Variants in LUZP1 observed in about 807,000 individuals in gnomAD.
LUZP1 encodes leucine zipper protein 1, also known as filamin mechanobinding actin cross-linking protein.
A neutral mutation model predicts 71.3 loss-of-function variants in LUZP1; 25 were observed. The observed-to-expected ratio is 0.35, with a 90% CI of 0.26 to 0.49. The LOEUF is 0.49. LUZP1 is among the 20% of genes least tolerant of loss of function. The pLI, the probability that LUZP1 is intolerant of heterozygous loss-of-function variation, is 0.99. For synonymous variants in LUZP1, 481 were observed against 506.4 expected, an observed-to-expected ratio of 0.95 and a Z score of 0.67; for missense variants, 1,142 against 1,300.8, an observed-to-expected ratio of 0.88 and a Z score of 1.88.
chr1:23,098,011 A>C (rs1301598214), intron 3 of LUZP1, among the ~76,000 whole-genome samples: 5 of 152,186 alleles, frequency 3.3e-5, no homozygotes, highest in Non-Finnish European at 7.3e-5. Context: ...CATGTGTATG[A>C]GATGTATATT....
intron 2 of LUZP1, among the ~76,000 whole-genome samples, chr1:23,146,156 G>A (rs1286001966): frequency 6.6e-6 from 1 of 151,884 alleles, no homozygotes; most frequent in Non-Finnish European, 1.5e-5. Flanking sequence ...TCAGCTTCTC[G>A]AGTAGCTGGG....
At chr1:23,163,688 C>T (rs999826456) in intron 2 of LUZP1, among the ~76,000 whole-genome samples, 1 of 152,070 alleles carries the variant, frequency 6.6e-6, no homozygotes, top group Non-Finnish European at 1.5e-5. Flanking sequence ...ACAGCAATGC[C>T]TAAAAAGGTT....
chr1:23,136,102 A>G (rs1454383297), intron 2 of LUZP1, among the ~76,000 whole-genome samples: 1 of 152,190 alleles, frequency 6.6e-6, no homozygotes, highest in African/African-American at 2.4e-5. Context: ...GTGTCACAGA[A>G]CACTAGATTA....
chr1:23,103,117 T>C (rs1202722335), intron 3 of LUZP1, among the ~76,000 whole-genome samples: 1 of 150,950 alleles, frequency 6.6e-6, no homozygotes, highest in Admixed American at 6.6e-5. Context: ...ATTTTTTTTT[T>C]TTGTAGAGAA....
In LUZP1 at chr1:23,093,053, C is replaced by G; in HGVS notation, c.1209G>C (p.Arg403=). 6.2e-7 allele frequency: 1 copy of G among 1,614,146 alleles called. No individual in the cohort carries two copies. The highest frequency in any genetic ancestry group is 8.5e-7 in the Non-Finnish European group (1 of 1,180,006). The change falls in exon 4 of 5, where the codon CGG becomes CGC. Residue 403 remains arginine, a synonymous_variant. Coordinates refer to ENST00000302291, the Ensembl canonical transcript of LUZP1. The surrounding 1 kb of genome is among the most constrained non-coding windows in gnomAD (Gnocchi z 4.2). The stretch of plus-strand genomic sequence containing the variant: ...CATTGTTGAGAGCAAACTCCCTGTT[C>G]CGGAGTCGTTCCCGCTTATGCTGAG...
chr1:23,152,019 A>G (rs1056579906), intron 2 of LUZP1, among the ~76,000 whole-genome samples: 1 of 151,400 alleles, frequency 6.6e-6, no homozygotes, highest in African/African-American at 2.4e-5. Flanking sequence ...AAAAAAAAAG[A>G]AAAGAAATGG....
intron 3 of LUZP1, among the ~76,000 whole-genome samples, chr1:23,103,901 AGGGGGGAAGGAGGGAGGGAG>A (rs766635820): frequency 5.7e-5 from 1 of 17,414 alleles, no homozygotes; most frequent in African/African-American, 3.1e-4. Flanking sequence ...AGAGGGAGGG[AGGGGGGAAGGAGGGAGGGAG>A]GGGGGGAAGG....
chr1:23,091,271 G>A (rs1441395371), exon 4 of LUZP1: 3 of 1,614,072 alleles, frequency 1.9e-6, no homozygotes, highest in South Asian at 1.1e-5. Flanking sequence ...CTGACACAGT[G>A]AGGCTACTTT....
At chr1:23,128,759 C>T (rs537550234) in intron 2 of LUZP1, among the ~76,000 whole-genome samples, 1 of 152,262 alleles carries the variant, frequency 6.6e-6, no homozygotes, top group African/African-American at 2.4e-5. Context: ...GGATTATAAC[C>T]CTGGCCTCAT....
intron 2 of LUZP1, among the ~76,000 whole-genome samples, chr1:23,113,259 T>A (rs1418531772): frequency 3.9e-5 from 6 of 151,954 alleles, no homozygotes; most frequent in Non-Finnish European, 5.9e-5. Flanking sequence ...TTTAAAAAAA[T>A]TAGCCAGGTG....
chr1:23,123,417 G>A (rs1331810897), intron 2 of LUZP1, among the ~76,000 whole-genome samples: 7 of 151,328 alleles, frequency 4.6e-5, no homozygotes, highest in African/African-American at 1.7e-4. Context: ...ACTTGAACCC[G>A]GGAGGCGGAG....
intron 2 of LUZP1, among the ~76,000 whole-genome samples, chr1:23,162,469 C>A (rs1384447952): frequency 6.7e-6 from 1 of 149,454 alleles, no homozygotes; most frequent in Non-Finnish European, 1.5e-5. Context: ...GACGGAGTCT[C>A]GCTCTGTTGC....
At chr1:23,152,722 G>C (rs182444216) in intron 2 of LUZP1, among the ~76,000 whole-genome samples, 1 of 152,108 alleles carries the variant, frequency 6.6e-6, no homozygotes, top group East Asian at 1.9e-4. Flanking sequence ...GTAGAGACAG[G>C]GTTTTGCCAC....
intron 2 of LUZP1, among the ~76,000 whole-genome samples, chr1:23,153,025 A>G (rs1644395969): frequency 6.6e-6 from 1 of 152,152 alleles, no homozygotes; most frequent in East Asian, 1.9e-4. Context: ...TTCCTTTCAG[A>G]TAATCTATAC....
intron 2 of LUZP1, among the ~76,000 whole-genome samples, chr1:23,120,728 A>C (rs554744121): frequency 6.6e-6 from 1 of 152,300 alleles, no homozygotes; most frequent in African/African-American, 2.4e-5. Context: ...AATCCTTAAT[A>C]ATGACCCCAT....
At chr1:23,142,700 T>TACACAC (rs60316911) in intron 2 of LUZP1, among the ~76,000 whole-genome samples, 314 of 104,342 alleles carry the variant, frequency 3.0e-3, no homozygotes, top group Non-Finnish European at 4.6e-3. Flanking sequence ...TATATATATA[T>TACACAC]ACACACACAC....
At position 23,177,289 on chromosome 1, in the gene LUZP1, C is replaced by CCCA. The variant is rs1644588267; in HGVS notation, c.-485+201_-485+202insTGG. Among the ~76,000 whole-genome samples the CCCA allele has an allele frequency of 2.0e-5, 3 of 152,270 alleles. No homozygotes were observed. The South Asian group carries it at 6.2e-4, about 32-fold the overall frequency. On this transcript the variant is annotated intron_variant, in intron 1 of 4. Coordinates refer to ENST00000302291, the Ensembl canonical transcript of LUZP1. ...ACATGTTACACAATTACAAGGGGTTCACAGACCTCTGAGAGGACATCGGTA... is the reference window on the plus strand; with the variant it reads ...ACATGTTACACAATTACAAGGGGTTCCCAACAGACCTCTGAGAGGACATCGGTA...
At chr1:23,090,755 C>A in intron 4 of LUZP1, 1 of 666,838 alleles carries the variant, frequency 1.5e-6, no homozygotes. Context: ...CGGCCGAGAA[C>A]TTGCTGACCT....
At chr1:23,091,151 G>A in intron 4 of LUZP1, 39 bp downstream of exon 3, 3 of 1,546,974 alleles carry the variant, frequency 1.9e-6, no homozygotes, top group Non-Finnish European at 2.6e-6. Context: ...AAGGAAAAGG[G>A]AGGGAGAAAA....
Sources: gnomAD v4.1 joint callset for allele counts (sites outside exome capture counted in the v4.1 genomes callset) on GRCh38, gnomAD v4.1.1 for gene constraint, Gnocchi (gnomAD v3.1) non-coding constraint, MANE v1.5 for transcripts, NCBI Gene and HGNC (gene_info 2026-07-23, HGNC 2026-07-21) for gene names.